The following SEMA6D variants were observed in gnomAD, a reference collection of about 807,000 sequenced individuals.
The protein encoded by SEMA6D is semaphorin 6D.
Under a neutral mutation model 106.6 loss-of-function variants are expected in SEMA6D, and 35 were observed. The observed-to-expected ratio is 0.33, with a 90% confidence interval of 0.25 to 0.44. The LOEUF (loss-of-function observed/expected upper bound fraction) is 0.44, where lower values mean the gene tolerates loss of function less well. SEMA6D is among the 20% of genes least tolerant of loss of function. The pLI is 1.00. For missense variants in SEMA6D, 1,185 were observed against 1,345.9 expected, an observed-to-expected ratio of 0.88 and a Z score of 1.87; for synonymous variants, 499 against 487.7, an observed-to-expected ratio of 1.02 and a Z score of -0.31.
intron 3 of SEMA6D, among the ~76,000 whole-genome samples, chr15:47,565,783 A>G (rs1418607864): frequency 6.6e-6 from 1 of 152,206 alleles, no homozygotes; most frequent in Non-Finnish European, 1.5e-5. Context: ...AGAATTGGAA[A>G]TGCAAAATAT....
Position 47,581,394 on chromosome 15 carries a change from G to C in SEMA6D, c.-86-19471G>C, listed in dbSNP as rs768195739. 6.1e-6 allele frequency: 3 copies of C among 492,806 alleles called. No homozygotes were observed. The East Asian group carries it at 2.1e-4, about 34-fold the overall frequency. 30.5% of individuals were successfully genotyped at this position (492,806 alleles called of 1,614,324 possible). A position where few individuals can be genotyped will look rare whatever the true frequency, so the allele number is the denominator to read the frequency against. ...TGCCAAATAAACAAGATAATTCCATGTAATGGGAAGTAGTTTGAGAAAAGT... is the reference window on the plus strand; with the variant it reads ...TGCCAAATAAACAAGATAATTCCATCTAATGGGAAGTAGTTTGAGAAAAGT... On this transcript the variant is annotated intron_variant, in intron 3 of 19. Coordinates refer to the SEMA6D transcript ENST00000558014.
chr15:47,727,358 C>T (rs1185855012), intron 1 of SEMA6D, among the ~76,000 whole-genome samples: 7 of 152,192 alleles, frequency 4.6e-5, no homozygotes, highest in African/African-American at 1.7e-4. Context: ...TTTTAAGGAA[C>T]ACTTCAGGTA....
At chr15:47,375,928 G>T (rs1415880718) in intron 1 of SEMA6D, among the ~76,000 whole-genome samples, 6 of 152,186 alleles carry the variant, frequency 3.9e-5, no homozygotes, top group Admixed American at 2.6e-4. Context: ...AAAACTGAGT[G>T]CATTCCCAGA....
At chr15:47,559,279 G>A (rs933725086) in intron 3 of SEMA6D, among the ~76,000 whole-genome samples, 1 of 151,980 alleles carries the variant, frequency 6.6e-6, no homozygotes, top group African/African-American at 2.4e-5. Flanking sequence ...TCCCAAAAAA[G>A]CAACTATAAA....
At chr15:47,347,339 C>T (rs1248650294) in intron 1 of SEMA6D, among the ~76,000 whole-genome samples, 1 of 152,200 alleles carries the variant, frequency 6.6e-6, no homozygotes, top group Non-Finnish European at 1.5e-5. Flanking sequence ...AACAAATGGA[C>T]ACCTATTTGC....
At chr15:47,207,322 T>G (rs1566925826) in intron 1 of SEMA6D, among the ~76,000 whole-genome samples, 1 of 152,110 alleles carries the variant, frequency 6.6e-6, no homozygotes, top group Non-Finnish European at 1.5e-5. Flanking sequence ...GCCACTATGG[T>G]AAAGAAGCCC....
chr15:47,625,347 A>C (rs904228135), intron 4 of SEMA6D, among the ~76,000 whole-genome samples: 5 of 152,230 alleles, frequency 3.3e-5, no homozygotes, highest in Admixed American at 2.0e-4. Context: ...TTGAAAAATA[A>C]GAAGAAAATA....
intron 2 of SEMA6D, among the ~76,000 whole-genome samples, chr15:47,423,892 T>C (rs138917573): frequency 6.6e-6 from 1 of 152,152 alleles, no homozygotes; most frequent in Non-Finnish European, 1.5e-5. Flanking sequence ...AAGTACTAAA[T>C]AATACTAAAA....
At chr15:47,631,831 G>A (rs147057017) in intron 4 of SEMA6D, among the ~76,000 whole-genome samples, 15 of 151,974 alleles carry the variant, frequency 9.9e-5, no homozygotes, top group South Asian at 6.2e-4. Context: ...TACAGCACCC[G>A]TGGGAAACCA....
intron 1 of SEMA6D, among the ~76,000 whole-genome samples, chr15:47,245,949 G>A (rs79670890): frequency 0.044 from 6,674 of 152,158 alleles, 211 homozygotes; most frequent in African/African-American, 0.085. Flanking sequence ...AACATGCTTC[G>A]TGGGAATGGA....
chr15:47,721,466 A>G (rs1290577394), intron 1 of SEMA6D, among the ~76,000 whole-genome samples: 1 of 152,222 alleles, frequency 6.6e-6, no homozygotes, highest in Non-Finnish European at 1.5e-5. Context: ...AACAGCTGCC[A>G]ACTTCCAATT....
chr15:47,394,686 G>T (rs1407813077), intron 1 of SEMA6D, among the ~76,000 whole-genome samples: 2 of 152,146 alleles, frequency 1.3e-5, no homozygotes, highest in Non-Finnish European at 2.9e-5. Flanking sequence ...AAATTCTGCA[G>T]TCTTCACTAG....
rs919574740 is a variant in SEMA6D at position 47,720,038 on chromosome 15, G to A, written c.-55+2346G>A. On this transcript the variant is annotated intron_variant, in intron 1 of 18. Coordinates refer to ENST00000536845, the MANE Select transcript of SEMA6D (RefSeq NM_001358351.3). ...CCATAGCTGAGTTTTGTTTTTTATA[G>A]TTACTGTCTGTGCTTTGTTTGGTTT... Among the ~76,000 whole-genome samples the A allele has an allele frequency of 3.9e-5, 6 of 152,134 alleles. No homozygotes were observed. In the South Asian group the frequency reaches 1.0e-3, roughly 26 times the overall value.
At position 47,760,302 on chromosome 15, in the gene SEMA6D, A is replaced by C. The variant is rs2147669803; in HGVS notation, c.110-2A>C. 6.2e-7 allele frequency: 1 copy of C among 1,610,026 alleles called. No homozygotes were observed. Among genetic ancestry groups the C allele is most frequent in the South Asian group, 1.1e-5 (1 of 90,894 alleles). On this transcript the variant is annotated splice_acceptor_variant, in intron 2 of 18. Coordinates refer to ENST00000536845, the MANE Select transcript of SEMA6D (RefSeq NM_001358351.3). LOFTEE classifies it high-confidence loss of function. Reference sequence around the variant, plus strand: ...GATGGTTTAGCCCATTTTTACTTGCAGATTCAAGGCAATATCCGGTTTTTA... The same window carrying C: ...GATGGTTTAGCCCATTTTTACTTGCCGATTCAAGGCAATATCCGGTTTTTA...
At chr15:47,298,988 T>A (rs2035913616) in intron 1 of SEMA6D, among the ~76,000 whole-genome samples, 1 of 152,142 alleles carries the variant, frequency 6.6e-6, no homozygotes, top group South Asian at 2.1e-4. Context: ...TAAAACTGAG[T>A]ATCAGTAAGA....
chr15:47,744,801 C>G (rs1596946582), intron 1 of SEMA6D, among the ~76,000 whole-genome samples: 2 of 152,156 alleles, frequency 1.3e-5, no homozygotes, highest in South Asian at 4.1e-4. Context: ...AATGCTACAA[C>G]AAAAAACTTA....
rs2082651185 is a variant in SEMA6D, at chr15:47,772,028, A to G, written c.*243A>G. 4 of 510,508 alleles carry G rather than the reference A, an allele frequency of 7.8e-6. No individual in the cohort carries two copies. Among genetic ancestry groups the G allele is most frequent in the Non-Finnish European group, 3.5e-6 (1 of 287,148 alleles). The allele number at this position is 510,508 out of a possible 1,614,324, so 31.6% of individuals were successfully genotyped here. A position where few individuals can be genotyped will look rare whatever the true frequency, so the allele number is the denominator to read the frequency against. Reference sequence around the variant, plus strand: ...CATTCCATTTCTTTTGTTTGAAGCTAAAGAGATGTGTAGCTCACAGGGGCT... The same window carrying G: ...CATTCCATTTCTTTTGTTTGAAGCTGAAGAGATGTGTAGCTCACAGGGGCT... On this transcript the variant is annotated 3_prime_UTR_variant, in exon 19 of 19. Transcript: ENST00000536845.
intron 3 of SEMA6D, among the ~76,000 whole-genome samples, chr15:47,538,606 A>G (rs1402694412): frequency 1.3e-5 from 2 of 152,238 alleles, no homozygotes; most frequent in East Asian, 3.8e-4. Flanking sequence ...TGTGTGAGAT[A>G]ACCACAGTGG....
intron 1 of SEMA6D, among the ~76,000 whole-genome samples, chr15:47,235,298 A>G (rs915892545): frequency 1.3e-4 from 20 of 151,766 alleles, no homozygotes; most frequent in African/African-American, 4.6e-4. Context: ...TTGTCTGTTT[A>G]CTCTGATGAT....
Sources: gnomAD v4.1 joint callset for allele counts (sites outside exome capture counted in the v4.1 genomes callset) on GRCh38, gnomAD v4.1.1 for gene constraint, MANE v1.5 for transcripts, NCBI Gene and HGNC (gene_info 2026-07-23, HGNC 2026-07-21) for gene names.